The following MDGA2 variants were observed in gnomAD, a reference collection of about 807,000 sequenced individuals.
The protein encoded by MDGA2 is MAM domain-containing glycosylphosphatidylinositol anchor protein 2.
In MDGA2, 40 loss-of-function variants were observed where a neutral mutation model predicts 117.8. That is an observed-to-expected ratio of 0.34 (90% CI 0.26 to 0.44). The LOEUF (loss-of-function observed/expected upper bound fraction) is 0.44, where lower values mean the gene tolerates loss of function less well. MDGA2 is among the 20% of genes least tolerant of loss of function. The probability of loss-of-function intolerance (pLI) is 1.00; values close to 1 mark genes in which losing one functional copy is unlikely to be tolerated. For missense variants in MDGA2, 1,123 were observed against 1,250.6 expected (o/e 0.90, Z 1.54); for synonymous variants, 452 against 439.0 (o/e 1.03, Z -0.37).
chr14:47,480,574 CATTAAT>C (rs1172833239), intron 1 of MDGA2, among the ~76,000 whole-genome samples: 1 of 151,814 alleles, frequency 6.6e-6, no homozygotes, highest in Non-Finnish European at 1.5e-5. Flanking sequence ...GTTTACTAGA[CATTAAT>C]ATTATTTTTA....
At chr14:46,997,225 A>G (rs188221514) in intron 8 of MDGA2, 1 of 157,684 alleles carries the variant, frequency 6.3e-6, no homozygotes, top group East Asian at 1.9e-4. Context: ...TTCCAGCAGG[A>G]TCTGTTTTCA....
In MDGA2 at chr14:47,668,112, G is replaced by A. The variant is rs536368321; in HGVS notation, c.280+6405C>T. On this transcript the variant is annotated intron_variant, in intron 1 of 16. Transcript: ENST00000399232. ...AATATATCATTTGGATGTTGAAACA[G>A]AAAGCACAGATCTTACTCAATTCAA... is the stretch of plus-strand genomic sequence containing the variant. 1.3e-3 allele frequency among the ~76,000 whole-genome samples: 191 copies of A among 152,258 alleles called. 7 individuals are homozygous for A. The South Asian group carries it at 0.039, about 31-fold the overall frequency.
intron 1 of MDGA2, among the ~76,000 whole-genome samples, chr14:47,316,903 G>T (rs1889826429): frequency 6.6e-6 from 1 of 152,046 alleles, no homozygotes; most frequent in Admixed American, 6.6e-5. Flanking sequence ...TTAATTAATG[G>T]TTGAGAATGA....
intron 1 of MDGA2, among the ~76,000 whole-genome samples, chr14:47,594,118 A>G (rs1896493159): frequency 6.6e-6 from 1 of 152,176 alleles, no homozygotes; most frequent in Non-Finnish European, 1.5e-5. Context: ...AAGAATTTAG[A>G]TTCAGCATAG....
chr14:47,373,611 T>C (rs1029222961), intron 1 of MDGA2, among the ~76,000 whole-genome samples: 2 of 152,148 alleles, frequency 1.3e-5, no homozygotes, highest in Admixed American at 1.3e-4. Context: ...AGGAGGCCTA[T>C]AGAGACAGTA....
At chr14:46,981,794 C>A (rs371374959) in intron 8 of MDGA2, among the ~76,000 whole-genome samples, 1 of 152,076 alleles carries the variant, frequency 6.6e-6, no homozygotes, top group Admixed American at 6.6e-5. Context: ...TAGAGAGGGG[C>A]TGGGACTAAA....
intron 8 of MDGA2, among the ~76,000 whole-genome samples, chr14:46,985,643 T>C (rs1485391190): frequency 6.6e-6 from 1 of 152,128 alleles, no homozygotes; most frequent in Non-Finnish European, 1.5e-5. Context: ...ATGGCACTTA[T>C]CCTGACAACT....
At chr14:47,309,362 T>G (rs1255860833) in intron 1 of MDGA2, among the ~76,000 whole-genome samples, 2 of 152,164 alleles carry the variant, frequency 1.3e-5, no homozygotes, top group East Asian at 3.9e-4. Context: ...CCACTAGAGA[T>G]AAATATTTTT....
intron 3 of MDGA2, among the ~76,000 whole-genome samples, chr14:47,151,506 A>G (rs1883163551): frequency 6.6e-6 from 1 of 152,206 alleles, no homozygotes; most frequent in Admixed American, 6.5e-5. Flanking sequence ...CTCTATGTTT[A>G]TTCAACAGTC....
chr14:47,582,022 A>T (rs1896237998), intron 1 of MDGA2, among the ~76,000 whole-genome samples: 1 of 151,906 alleles, frequency 6.6e-6, no homozygotes, highest in African/African-American at 2.4e-5. Context: ...AAACTGACAT[A>T]ATAATATTAT....
intron 5 of MDGA2, among the ~76,000 whole-genome samples, chr14:47,122,790 G>C (rs927899228): frequency 1.3e-5 from 2 of 151,922 alleles, no homozygotes; most frequent in Non-Finnish European, 2.9e-5. Flanking sequence ...AAAGAACCAA[G>C]CTGTGGTCTA....
At chr14:47,311,836 T>G (rs1386808865) in intron 1 of MDGA2, among the ~76,000 whole-genome samples, 1 of 152,146 alleles carries the variant, frequency 6.6e-6, no homozygotes, top group Middle Eastern at 3.2e-3. Context: ...TAGAAACACA[T>G]TTTGTGATTT....
At chr14:47,142,980 T>A (rs1223687425) in intron 4 of MDGA2, among the ~76,000 whole-genome samples, 1 of 152,222 alleles carries the variant, frequency 6.6e-6, no homozygotes, top group East Asian at 1.9e-4. Context: ...TGTGTGCAGA[T>A]GTTATCATAT....
chr14:47,564,275 T>C (rs926697070), intron 1 of MDGA2, among the ~76,000 whole-genome samples: 1 of 152,176 alleles, frequency 6.6e-6, no homozygotes, highest in Non-Finnish European at 1.5e-5. Context: ...CTCTGCATTT[T>C]CTGAATTTGA....
intron 1 of MDGA2, among the ~76,000 whole-genome samples, chr14:47,499,569 G>T (rs1894356329): frequency 6.6e-6 from 1 of 152,100 alleles, no homozygotes; most frequent in African/African-American, 2.4e-5. Flanking sequence ...TGCATTGCTA[G>T]AATCTGAACA....
At chr14:47,416,377 G>A (rs1892476194) in intron 1 of MDGA2, among the ~76,000 whole-genome samples, 1 of 152,168 alleles carries the variant, frequency 6.6e-6, no homozygotes, top group Non-Finnish European at 1.5e-5. Context: ...AATCTTCTTT[G>A]ACTTGATATC....
intron 1 of MDGA2, among the ~76,000 whole-genome samples, chr14:47,382,465 G>C (rs1891658122): frequency 6.6e-6 from 1 of 151,996 alleles, no homozygotes; most frequent in African/African-American, 2.4e-5. Flanking sequence ...TCTGACAAAG[G>C]GCTAATATCC....
At position 46,985,444 on chromosome 14, in the gene MDGA2, T is replaced by G. The variant is rs1418624978; in HGVS notation, c.1820-27801A>C. ...TTTATATGTAATCATACATGTAAGT[T>G]TTTATGTCCCATGGGATGCTGAATT... On this transcript the variant is annotated intron_variant, in intron 8 of 16. Transcript: ENST00000399232. 2.0e-5 allele frequency among the ~76,000 whole-genome samples: 3 copies of G among 152,108 alleles called. No individual in the cohort carries two copies. In the East Asian group the frequency reaches 5.8e-4, roughly 29 times the overall value.
chr14:47,214,077 G>A (rs977103553), intron 3 of MDGA2, among the ~76,000 whole-genome samples: 10 of 152,012 alleles, frequency 6.6e-5, no homozygotes, highest in Admixed American at 3.9e-4. Flanking sequence ...CACGAGAACT[G>A]CATGGAAGAG....
Sources: gnomAD v4.1 joint callset for allele counts (sites outside exome capture counted in the v4.1 genomes callset) on GRCh38, gnomAD v4.1.1 for gene constraint, MANE v1.5 for transcripts, NCBI Gene and HGNC (gene_info 2026-07-23, HGNC 2026-07-21) for gene names.